Variants in EMB observed in about 807,000 individuals in gnomAD.
EMB encodes the protein embigin.
EMB carries 31 observed loss-of-function variants against 41.4 expected under a neutral mutation model. The ratio of observed to expected loss-of-function variants is 0.75; its 90% CI spans 0.56 to 1.01. The LOEUF (loss-of-function observed/expected upper bound fraction) is 1.01, where lower values mean the gene tolerates loss of function less well. Ranked by LOEUF, EMB falls within the 50% of genes least tolerant of loss-of-function variation. EMB has a pLI of 0.00. For synonymous variants in EMB, 137 were observed against 140.4 expected (o/e 0.98, Z 0.17); for missense variants, 379 against 388.3 (o/e 0.98, Z 0.20).
chr5:50,412,240 CCA>C (rs373420424), intron 2 of EMB, among the ~76,000 whole-genome samples: 39 of 134,818 alleles, frequency 2.9e-4, no homozygotes, highest in Non-Finnish European at 5.2e-4. Flanking sequence ...CACACACACA[CCA>C]CACACACACA....
intron 4 of EMB, among the ~76,000 whole-genome samples, chr5:50,409,224 T>C (rs180685528): frequency 2.6e-5 from 4 of 152,244 alleles, no homozygotes; most frequent in African/African-American, 9.6e-5. Flanking sequence ...TGTATTGGTA[T>C]GTTGAAAAGT....
chr5:50,420,037 C>G (rs1745492534), intron 2 of EMB, among the ~76,000 whole-genome samples: 1 of 150,774 alleles, frequency 6.6e-6, no homozygotes. Context: ...CGATGGAGGG[C>G]AGGGGTGCAG....
At chr5:50,417,862 G>T (rs1258250642) in intron 2 of EMB, among the ~76,000 whole-genome samples, 1 of 152,128 alleles carries the variant, frequency 6.6e-6, no homozygotes, top group East Asian at 1.9e-4. Context: ...ATTCATCAAA[G>T]ATTTGGCAAT....
At chr5:50,441,456 C>T, upstream of EMB, 1 of 237,812 alleles carries the variant, frequency 4.2e-6, no homozygotes. Context: ...CCTCTCGGCT[C>T]TAGCAGGTCG....
chr5:50,405,978 C>T, intron 4 of EMB, 126 bp from the exon 5 acceptor site: 1 of 1,308,288 alleles, frequency 7.6e-7, no homozygotes, highest in Middle Eastern at 2.3e-4. Context: ...AGTTATATAT[C>T]AATGAAACTA....
At chr5:50,441,506 G>T (rs1224475178), upstream of EMB, 2 of 183,402 alleles carry the variant, frequency 1.1e-5, no homozygotes, top group Non-Finnish European at 2.3e-5. Flanking sequence ...CAATCTCGTG[G>T]GGAGAGGTCG....
At chr5:50,421,428 C>A (rs1338910992) in intron 2 of EMB, among the ~76,000 whole-genome samples, 1 of 152,052 alleles carries the variant, frequency 6.6e-6, no homozygotes, top group Non-Finnish European at 1.5e-5. Context: ...GAAATAGGAA[C>A]ACTTTTACAC....
chr5:50,415,705 T>C (rs1042147926), intron 2 of EMB, among the ~76,000 whole-genome samples: 7 of 152,194 alleles, frequency 4.6e-5, no homozygotes, highest in African/African-American at 1.4e-4. Context: ...ATCTCAGATT[T>C]AGGTATGCCT....
chr5:50,417,300 T>G (rs1406924519), intron 2 of EMB, among the ~76,000 whole-genome samples: 3 of 152,230 alleles, frequency 2.0e-5, no homozygotes, highest in Non-Finnish European at 4.4e-5. Flanking sequence ...ATTTTTATCA[T>G]TAATGTTGTG....
At chr5:50,409,130 T>G (rs1561132539) in intron 4 of EMB, among the ~76,000 whole-genome samples, 1 of 152,146 alleles carries the variant, frequency 6.6e-6, no homozygotes, top group East Asian at 1.9e-4. Context: ...GGGTCAGCGC[T>G]GCTGACACCA....
At position 50,398,477 on chromosome 5, in the gene EMB, A is replaced by G. The variant is rs1480525179; in HGVS notation, c.*796T>C. On this transcript the variant is annotated 3_prime_UTR_variant, in exon 9 of 9. Transcript: ENST00000303221. ...GGAAACCATGAGCCACAAAAGCATC[A>G]GTGTAGCAGTGTTTTAAGTATTACG... 1 of 152,016 alleles carries G rather than the reference A, an allele frequency of 6.6e-6. No individual in the cohort carries two copies. The highest frequency in any genetic ancestry group is 2.4e-5 in the African/African-American group (1 of 41,418). 9.4% of individuals were successfully genotyped at this position (152,016 alleles called of 1,614,324 possible). A position where few individuals can be genotyped will look rare whatever the true frequency, so the allele number is the denominator to read the frequency against.
chr5:50,440,851 G>C (rs1745896381), intron 1 of EMB, among the ~76,000 whole-genome samples, 189 bp downstream of exon 1: 1 of 152,068 alleles, frequency 6.6e-6, no homozygotes, highest in African/African-American at 2.4e-5. Flanking sequence ...GCAGTTTCAG[G>C]GTTCAGCTTA....
chr5:50,418,157 C>T (rs970146270), intron 2 of EMB, among the ~76,000 whole-genome samples: 4 of 152,172 alleles, frequency 2.6e-5, no homozygotes, highest in Non-Finnish European at 5.9e-5. Flanking sequence ...TATTTTTCTA[C>T]AACATAGAGA....
chr5:50,435,704 T>G (rs1168619502), intron 1 of EMB, among the ~76,000 whole-genome samples: 1 of 152,172 alleles, frequency 6.6e-6, no homozygotes, highest in Admixed American at 6.5e-5. Flanking sequence ...TCCCTTGATA[T>G]TAGTAAGCAT....
At chr5:50,415,186 T>A (rs1745409377) in intron 2 of EMB, among the ~76,000 whole-genome samples, 1 of 152,158 alleles carries the variant, frequency 6.6e-6, no homozygotes, top group Admixed American at 6.5e-5. Context: ...ATTTGCCCAG[T>A]TTTATCCAAC....
At chr5:50,432,574 A>G (rs1216029730) in intron 1 of EMB, among the ~76,000 whole-genome samples, 1 of 152,060 alleles carries the variant, frequency 6.6e-6, no homozygotes, top group Non-Finnish European at 1.5e-5. Flanking sequence ...AAAATACCTA[A>G]TTACTAAGTA....
chr5:50,433,675 AT>A (rs1300059954), intron 1 of EMB, among the ~76,000 whole-genome samples: 66 of 152,342 alleles, frequency 4.3e-4, no homozygotes, highest in Admixed American at 2.7e-3. Context: ...AGATTACTAC[AT>A]TTATTTAGTA....
In EMB at chr5:50,402,288, C is replaced by T. The variant is rs1211044490; in HGVS notation, c.909G>A (p.Gln303=). The part of the protein sequence containing the change: ...DEGKEFEQIE[Q]LKSDDSNGIE... The stretch of plus-strand genomic sequence containing the variant: ...AATCTGTAAAAAATAATACTTACAG[C>T]TGTTCAATCTGCTCAAATTCTTTCC... The change falls in exon 7 of 9, where the codon CAG becomes CAA. Residue 303 remains glutamine (Q), a splice_region_variant and synonymous_variant. Transcript: ENST00000303221. 1.2e-6 allele frequency: 2 copies of T among 1,609,364 alleles called. No individual in the cohort carries two copies. The highest frequency in any genetic ancestry group is 1.7e-6 in the Non-Finnish European group (2 of 1,176,642).
intron 1 of EMB, among the ~76,000 whole-genome samples, chr5:50,440,533 C>CAAAAAAAAAAAAAAAAA (rs70972912): frequency 3.3e-5 from 2 of 60,040 alleles, no homozygotes; most frequent in African/African-American, 1.4e-4. Flanking sequence ...AACTCCGTCT[C>CAAAAAAAAAAAAAAAAA]AAAAAAAAAA....
Sources: allele counts gnomAD v4.1 joint callset (sites outside exome capture counted in the v4.1 genomes callset), GRCh38; gene constraint gnomAD v4.1.1; transcripts MANE v1.5; gene names NCBI Gene and HGNC (gene_info 2026-07-23, HGNC 2026-07-21).